SYTL2: variants seen among roughly 807,000 people sequenced by gnomAD.
SYTL2 encodes synaptotagmin-like protein 2.
Under a neutral mutation model 198.7 loss-of-function variants are expected in SYTL2, and 165 were observed. The ratio of observed to expected loss-of-function variants is 0.83; its 90% CI spans 0.73 to 0.94. The LOEUF is 0.94. Ranked by LOEUF, SYTL2 falls within the 40% of genes least tolerant of loss-of-function variation. SYTL2 has a pLI of 0.00. For missense variants in SYTL2, 2,835 were observed against 2,582.8 expected (o/e 1.10, Z -2.12); for synonymous variants, 966 against 917.7 (o/e 1.05, Z -0.95).
At chr11:85,735,148 G>A (rs2090210295) in intron 6 of SYTL2, among the ~76,000 whole-genome samples, 1 of 152,210 alleles carries the variant, frequency 6.6e-6, no homozygotes, top group South Asian at 2.1e-4. Context: ...TGTGGGGAGA[G>A]GGTGTATATG....
intron 1 of SYTL2, among the ~76,000 whole-genome samples, chr11:85,785,059 G>A (rs765371339): frequency 6.6e-6 from 1 of 152,008 alleles, no homozygotes; most frequent in Non-Finnish European, 1.5e-5. Context: ...AGGGAGAAGT[G>A]GGAGGTGAGA....
intron 2 of SYTL2, among the ~76,000 whole-genome samples, chr11:85,750,857 T>C (rs554369295): frequency 6.6e-6 from 1 of 152,268 alleles, no homozygotes; most frequent in Non-Finnish European, 1.5e-5. Flanking sequence ...CATCATGAAA[T>C]GTGGTGTCGG....
chr11:85,851,728 G>C, the SYTL2 span, among the ~76,000 whole-genome samples: 1 of 152,186 alleles, frequency 6.6e-6, no homozygotes, highest in Non-Finnish European at 1.5e-5. Flanking sequence ...ATAGAAGCAG[G>C]CCTAAGATTT....
At chr11:85,821,468 C>T in the SYTL2 span, among the ~76,000 whole-genome samples, 3 of 152,072 alleles carry the variant, frequency 2.0e-5, no homozygotes, top group South Asian at 6.2e-4. Flanking sequence ...AGAAGCAAGC[C>T]GTGATTGAGA....
chr11:85,800,106 C>T (rs2092863476), intron 1 of SYTL2, among the ~76,000 whole-genome samples: 1 of 152,154 alleles, frequency 6.6e-6, no homozygotes, highest in Non-Finnish European at 1.5e-5. Flanking sequence ...CCTCAAGGAC[C>T]TAACCATTCC....
chr11:85,695,050 C>T lies in SYTL2; in HGVS notation c.*145G>A, dbSNP rs181242834. ...CTTGGGCCTTGTAATCAAAGAAGCA[C>T]ATGCAGATTGACTTTTACATGCTGT... On this transcript the variant is annotated 3_prime_UTR_variant, in exon 20 of 20. Transcript: ENST00000359152. 1.5e-6 allele frequency: 1 copy of T among 688,646 alleles called. No homozygotes were observed. Among genetic ancestry groups the T allele is most frequent in the Non-Finnish European group, 2.3e-6 (1 of 435,770 alleles). 42.7% of individuals were successfully genotyped at this position (688,646 alleles called of 1,614,324 possible).
intron 17 of SYTL2, among the ~76,000 whole-genome samples, chr11:85,699,579 G>A (rs778628505): frequency 2.5e-4 from 38 of 151,860 alleles, no homozygotes; most frequent in Non-Finnish European, 3.4e-4. Flanking sequence ...TTTGGGGGGC[G>A]GGGGGCGGTA....
chr11:85,831,912 T>C, the SYTL2 span, among the ~76,000 whole-genome samples: 2 of 144,960 alleles, frequency 1.4e-5, no homozygotes, highest in South Asian at 2.1e-4. Flanking sequence ...TAGGTATACA[T>C]CCATGAAACC....
At chr11:85,752,917 TAAAAAAAAAAAA>T (rs1162431708) in intron 2 of SYTL2, among the ~76,000 whole-genome samples, 532 of 17,716 alleles carry the variant, frequency 0.03, 6 homozygotes, top group Admixed American at 0.039. Context: ...CTGCCTTCAT[TAAAAAAAAAAAA>T]AAAAAAAAAA....
At chr11:85,733,597 T>TTTTG (rs1422413185) in intron 7 of SYTL2, 2,950 of 133,612 alleles carry the variant, frequency 0.022, 87 homozygotes, top group Non-Finnish European at 0.035. Flanking sequence ...TTTTTTTGTT[T>TTTTG]TTTTTTTTTT....
Position 85,757,582 on chromosome 11 carries a change from G to A in SYTL2, c.101+43C>T, listed in dbSNP as rs376224097. The stretch of plus-strand genomic sequence containing the variant: ...CCAGTGTCCTATTTTCGTACAGACT[G>A]CCTCTTCCTTCCCTCATGCCCAAGG... On this transcript the variant is annotated intron_variant, in intron 2 of 19. Transcript: ENST00000359152. 1.1e-5 allele frequency: 17 copies of A among 1,604,324 alleles called. No homozygotes were observed. In the African/African-American group the frequency reaches 2.0e-4, roughly 19 times the overall value.
chr11:85,853,060 G>A, the SYTL2 span: 222 of 292,960 alleles, frequency 7.6e-4, no homozygotes, highest in Middle Eastern at 2.6e-3. Context: ...GCCTCCGCCC[G>A]GCCGCCTCCC....
chr11:85,823,565 T>C, the SYTL2 span, among the ~76,000 whole-genome samples: 2 of 152,272 alleles, frequency 1.3e-5, no homozygotes, highest in African/African-American at 4.8e-5. Context: ...ACTAATTTAT[T>C]TCCCTTTTTG....
chr11:85,727,710 T>G lies in SYTL2; in HGVS notation c.1648A>C (p.Lys550Gln). 6.5e-7 allele frequency: 1 copy of G among 1,547,168 alleles called. No homozygotes were observed. The highest frequency in any genetic ancestry group is 1.2e-5 in the South Asian group (1 of 84,084). ...GCAACCTGTGATTTTGAGTCTGTTT[T>G]TTCTTTGGACTCTATTCCTCGGGGA... ...QHPRGIESKE[K>Q]TDSKSQVAVD... Residue 550 changes from lysine (K) to glutamine (Q), a missense_variant, in exon 8 of 20, where the codon AAA becomes CAA. Lys to Gln is a moderately conservative substitution (Grantham distance 53, BLOSUM62 1). This residue lies in a region of SYTL2 where 2,645 missense variants were observed against 2,381.7 expected (regional missense o/e 1.11). Coordinates refer to ENST00000359152, the MANE Select transcript of SYTL2 (RefSeq NM_206927.4).
intron 1 of SYTL2, among the ~76,000 whole-genome samples, chr11:85,760,929 G>C (rs2092078203): frequency 6.6e-6 from 1 of 152,130 alleles, no homozygotes; most frequent in Non-Finnish European, 1.5e-5. Context: ...AACTGTAAGA[G>C]AGCCCTCAGA....
At chr11:85,756,195 CT>C (rs1298795856) in intron 2 of SYTL2, among the ~76,000 whole-genome samples, 2 of 152,162 alleles carry the variant, frequency 1.3e-5, no homozygotes, top group African/African-American at 4.8e-5. Flanking sequence ...TACCAAGAGG[CT>C]CTAATGCCTG....
Position 85,726,806 on chromosome 11 carries a change from T to C in SYTL2, c.2552A>G (p.Gln851Arg). ...SLSTDQSEYNQAIPKRVVLDE... is the reference protein window; with the variant it reads ...SLSTDQSEYNRAIPKRVVLDE... ...TAAGACCACTCGTTTGGGAATGGCC[T>C]GATTATATTCACTCTGGTCTGTAGA... Residue 851 changes from glutamine to arginine, a missense_variant, in exon 8 of 20, where the codon CAG becomes CGG. Transcript: ENST00000359152. The C allele has an allele frequency of 6.5e-7, 1 of 1,536,314 alleles. No individual in the cohort carries two copies. The highest frequency in any genetic ancestry group is 8.7e-7 in the Non-Finnish European group (1 of 1,146,912).
chr11:85,714,546 A>G (rs1226144676), intron 11 of SYTL2, 39 bp from the exon 12 acceptor site: 16 of 1,591,080 alleles, frequency 1.0e-5, no homozygotes, highest in Non-Finnish European at 1.3e-5. Flanking sequence ...TATTCTTACA[A>G]TTGTCAGAAA....
chr11:85,803,904 A>G (rs2092924417), intron 1 of SYTL2, among the ~76,000 whole-genome samples: 1 of 152,244 alleles, frequency 6.6e-6, no homozygotes, highest in African/African-American at 2.4e-5. Context: ...GGACTGACAC[A>G]GAGTATGCAC....
Sources: gnomAD v4.1 joint callset for allele counts (sites outside exome capture counted in the v4.1 genomes callset) on GRCh38, gnomAD v4.1.1 for gene constraint, gnomAD v4.1.1 regional missense constraint, MANE v1.5 for transcripts, NCBI Gene and HGNC (gene_info 2026-07-23, HGNC 2026-07-21) for gene names.